SHTN1: variants seen among roughly 807,000 people sequenced by gnomAD.
The protein encoded by SHTN1 is shootin 1, also known as shootin-1.
In SHTN1, 42 loss-of-function variants were observed where a neutral mutation model predicts 83.1. That is an observed-to-expected ratio of 0.51 (90% CI 0.39 to 0.65). The LOEUF (loss-of-function observed/expected upper bound fraction) is 0.65. Among genes scored for constraint, SHTN1 ranks in the 30% least tolerant of loss-of-function variants. The pLI is 0.00. For synonymous variants in SHTN1, 224 were observed against 247.7 expected (o/e 0.90, Z 0.90); for missense variants, 622 against 737.8 (o/e 0.84, Z 1.82).
chr10:117,008,907 A>C (rs1333931889), upstream of SHTN1, among the ~76,000 whole-genome samples: 1 of 152,196 alleles, frequency 6.6e-6, no homozygotes, highest in African/African-American at 2.4e-5. Context: ...GGAGGTCAGG[A>C]GTTTGAGACC....
At chr10:116,940,722 C>T (rs1849337835) in intron 8 of SHTN1, 110 bp from the exon 9 acceptor site, 4 of 780,058 alleles carry the variant, frequency 5.1e-6, no homozygotes, top group Admixed American at 6.8e-5. Flanking sequence ...TCATTAAAGG[C>T]AAATTCTGAC....
At chr10:116,900,901 A>G (rs189669440) in intron 16 of SHTN1, 7 of 985,440 alleles carry the variant, frequency 7.1e-6, no homozygotes, top group Admixed American at 1.2e-4. Context: ...CAAGAGAGGA[A>G]GAAAATACCA....
intron 7 of SHTN1, among the ~76,000 whole-genome samples, chr10:116,946,559 TTATA>T (rs1480334516): frequency 8.0e-6 from 1 of 124,324 alleles, no homozygotes; most frequent in Non-Finnish European, 1.6e-5. Flanking sequence ...ATAAAATGAT[TTATA>T]TATAAATATA....
At chr10:117,099,009 T>TACACAC (rs371738555) in intron 1 of SHTN1, among the ~76,000 whole-genome samples, 14,457 of 140,836 alleles carry the variant, frequency 0.1, 770 homozygotes, top group East Asian at 0.16. Flanking sequence ...GTGGTATGTA[T>TACACAC]ACACACACAC....
intron 1 of SHTN1, among the ~76,000 whole-genome samples, chr10:116,985,342 A>C (rs1286530828): frequency 6.6e-6 from 1 of 152,196 alleles, no homozygotes; most frequent in African/African-American, 2.4e-5. Context: ...CACAATACAG[A>C]ATGGTAGTGG....
chr10:117,008,436 T>C (rs1852053452), upstream of SHTN1, among the ~76,000 whole-genome samples: 1 of 152,172 alleles, frequency 6.6e-6, no homozygotes, highest in Non-Finnish European at 1.5e-5. Context: ...GAATCTATCC[T>C]AAAAGGCTTA....
At chr10:116,898,810 TTTAA>T (rs1847615687) in intron 16 of SHTN1, among the ~76,000 whole-genome samples, 1 of 152,216 alleles carries the variant, frequency 6.6e-6, no homozygotes, top group Non-Finnish European at 1.5e-5. Context: ...GAATGTTAAT[TTTAA>T]TTAATCCTTA....
chr10:116,899,508 TG>T (rs1847646599), intron 16 of SHTN1, among the ~76,000 whole-genome samples: 2 of 65,930 alleles, frequency 3.0e-5, no homozygotes, highest in Non-Finnish European at 7.9e-5. Context: ...CTGGGGCTGG[TG>T]TGTGTGTGTG....
At chr10:116,906,848 G>T in intron 14 of SHTN1, 101 bp from the exon 15 acceptor site, 2 of 969,468 alleles carry the variant, frequency 2.1e-6, no homozygotes, top group South Asian at 2.4e-5. Context: ...GAATTTGAAT[G>T]GAATTATGAA....
At chr10:116,944,565 G>A (rs1001217014) in intron 8 of SHTN1, among the ~76,000 whole-genome samples, 10 of 152,110 alleles carry the variant, frequency 6.6e-5, no homozygotes, top group African/African-American at 2.4e-4. Context: ...GAATTTGTCT[G>A]ATATGTCGTC....
chr10:116,913,016 C>T (rs975732664), intron 13 of SHTN1, among the ~76,000 whole-genome samples: 25 of 152,196 alleles, frequency 1.6e-4, no homozygotes, highest in African/African-American at 6.0e-4. Context: ...AGTGCCAGTC[C>T]ATACGCACTA....
intron 1 of SHTN1, among the ~76,000 whole-genome samples, chr10:117,121,524 A>C (rs180811336): frequency 6.6e-6 from 1 of 151,290 alleles, no homozygotes; most frequent in African/African-American, 2.4e-5. Flanking sequence ...GGTTGCAGTG[A>C]GCTGAGATCA....
At chr10:117,046,107 G>T (rs1274643640) in intron 2 of SHTN1, among the ~76,000 whole-genome samples, 1 of 152,112 alleles carries the variant, frequency 6.6e-6, no homozygotes, top group Non-Finnish European at 1.5e-5. Flanking sequence ...AAGGAATAAT[G>T]CTGGGGGATT....
chr10:116,958,609 G>C (rs1388571941), intron 4 of SHTN1, among the ~76,000 whole-genome samples: 16 of 152,148 alleles, frequency 1.1e-4, no homozygotes, highest in Non-Finnish European at 1.5e-5. Context: ...TTATGATGAA[G>C]CCAACCATGG....
chr10:116,941,230 T>G (rs370635681), intron 8 of SHTN1, among the ~76,000 whole-genome samples: 2 of 152,320 alleles, frequency 1.3e-5, no homozygotes, highest in African/African-American at 4.8e-5. Flanking sequence ...CTCTTAACCA[T>G]CTGGCTAAGT....
chr10:116,987,215 GAGA>G (rs1198135424), intron 1 of SHTN1, among the ~76,000 whole-genome samples: 4 of 152,102 alleles, frequency 2.6e-5, no homozygotes, highest in Non-Finnish European at 5.9e-5. Flanking sequence ...AAACAAAACT[GAGA>G]AGAACTCGTA....
intron 2 of SHTN1, among the ~76,000 whole-genome samples, chr10:117,039,850 C>CAAAAA (rs71013633): frequency 7.7e-6 from 1 of 129,702 alleles, no homozygotes. Context: ...GAGACTCCAT[C>CAAAAA]AAAAAAAAAA....
chr10:117,111,824 G>A (rs1853772135), intron 1 of SHTN1, among the ~76,000 whole-genome samples: 1 of 152,248 alleles, frequency 6.6e-6, no homozygotes. Context: ...GAGAGTTTGT[G>A]AATGTGAGAG....
chr10:116,948,292 T>TC (rs916061959), intron 7 of SHTN1, among the ~76,000 whole-genome samples: 2 of 152,156 alleles, frequency 1.3e-5, no homozygotes, highest in African/African-American at 4.8e-5. Context: ...TGGAGACACT[T>TC]CCCTCTCACC....
Sources: allele counts gnomAD v4.1 joint callset (sites outside exome capture counted in the v4.1 genomes callset), GRCh38; gene constraint gnomAD v4.1.1; transcripts MANE v1.5; gene names NCBI Gene and HGNC (gene_info 2026-07-23, HGNC 2026-07-21).